The following RANBP2 variants were observed in gnomAD, a reference collection of about 807,000 sequenced individuals.
The protein encoded by RANBP2 is E3 SUMO-protein ligase RanBP2.
RANBP2 carries 57 observed loss-of-function variants against 303.6 expected under a neutral mutation model. That is an observed-to-expected ratio of 0.19 (90% confidence interval 0.15 to 0.23). The LOEUF is 0.23. Ranked by LOEUF, RANBP2 falls within the 10% of genes least tolerant of loss-of-function variation. The pLI, the probability that RANBP2 is intolerant of heterozygous loss-of-function variation, is 1.00. For missense variants in RANBP2, 3,138 were observed against 3,780.8 expected, an observed-to-expected ratio of 0.83 and a Z score of 4.46; for synonymous variants, 1,167 against 1,301.5, an observed-to-expected ratio of 0.90 and a Z score of 2.23.
chr2:109,393,267 G>A, the RANBP2 span, among the ~76,000 whole-genome samples: 2 of 152,364 alleles, frequency 1.3e-5, no homozygotes, highest in African/African-American at 4.8e-5. Context: ...TGTGAGTCTG[G>A]TCCATGGAGG....
chr2:108,936,447 C>T, the RANBP2 span, among the ~76,000 whole-genome samples: 1 of 150,454 alleles, frequency 6.6e-6, no homozygotes, highest in Non-Finnish European at 1.5e-5. Flanking sequence ...TGGCAACTGC[C>T]TGTGTCTGGG....
chr2:109,470,547 A>G, the RANBP2 span, among the ~76,000 whole-genome samples: 1 of 152,220 alleles, frequency 6.6e-6, no homozygotes, highest in Non-Finnish European at 1.5e-5. Context: ...ACTTTGGGAC[A>G]AGCCCTGGCT....
chr2:108,788,349 G>T (rs530334821), downstream of RANBP2, among the ~76,000 whole-genome samples: 1 of 151,918 alleles, frequency 6.6e-6, no homozygotes, highest in African/African-American at 2.4e-5. Flanking sequence ...GAACCCGGGA[G>T]GCAGAGGTTG....
At chr2:109,467,665 T>TA in the RANBP2 span, among the ~76,000 whole-genome samples, 2 of 152,266 alleles carry the variant, frequency 1.3e-5, no homozygotes, top group Non-Finnish European at 2.9e-5. Context: ...TTTGTGAGTA[T>TA]ATAGATTTTA....
At chr2:109,274,356 A>G in the RANBP2 span, among the ~76,000 whole-genome samples, 1 of 152,258 alleles carries the variant, frequency 6.6e-6, no homozygotes, top group Non-Finnish European at 1.5e-5. Context: ...CCCTATTTAC[A>G]CAGTAGCGAA....
chr2:109,634,313 A>G, the RANBP2 span, among the ~76,000 whole-genome samples: 2 of 152,048 alleles, frequency 1.3e-5, no homozygotes, highest in East Asian at 3.9e-4. Context: ...CACACATCAT[A>G]ATAAAATGTT....
intron 1 of RANBP2, among the ~76,000 whole-genome samples, chr2:108,727,162 CGGG>C (rs1694786935): frequency 6.6e-6 from 1 of 152,112 alleles, no homozygotes; most frequent in Non-Finnish European, 1.5e-5. Flanking sequence ...ACCTCCCAGA[CGGG>C]GTGGTGGCCG....
At position 108,728,987 on chromosome 2, in the gene RANBP2, T is replaced by G. The variant is rs549807024; in HGVS notation, c.73-145T>G. ...TAGGAAATTATAAAACATGGAATTA[T>G]GCATTTGTCAGCCTTTAAAAAAACT... On this transcript the variant is annotated intron_variant, in intron 1 of 28. Coordinates refer to ENST00000283195, the MANE Select transcript of RANBP2 (RefSeq NM_006267.5). 33 of 946,470 alleles carry G rather than the reference T, an allele frequency of 3.5e-5. No individual in the cohort carries two copies. The African/African-American group carries it at 5.3e-4, about 15-fold the overall frequency. 58.6% of individuals were successfully genotyped at this position (946,470 alleles called of 1,614,324 possible).
At chr2:109,342,197 C>T in the RANBP2 span, among the ~76,000 whole-genome samples, 1 of 152,204 alleles carries the variant, frequency 6.6e-6, no homozygotes, top group African/African-American at 2.4e-5. Flanking sequence ...TCAGCCATAC[C>T]TGGGATTTTC....
At chr2:108,826,940 G>C in the RANBP2 span, among the ~76,000 whole-genome samples, 1 of 152,018 alleles carries the variant, frequency 6.6e-6, no homozygotes, top group Non-Finnish European at 1.5e-5. Flanking sequence ...CGTTTTCAGG[G>C]TATAAGTTTT....
At chr2:109,223,588 G>A in the RANBP2 span, among the ~76,000 whole-genome samples, 4 of 152,162 alleles carry the variant, frequency 2.6e-5, no homozygotes, top group African/African-American at 9.6e-5. Flanking sequence ...TCAAGCATCG[G>A]TGGAGGGCAG....
the RANBP2 span, chr2:109,613,208 G>A: frequency 1.7e-5 from 22 of 1,283,332 alleles, no homozygotes; most frequent in Non-Finnish European, 2.2e-5. Flanking sequence ...ACTAACAAGC[G>A]AGATAAATCT....
the RANBP2 span, among the ~76,000 whole-genome samples, chr2:109,501,307 C>A: frequency 2.0e-5 from 3 of 152,030 alleles, no homozygotes; most frequent in Non-Finnish European, 4.4e-5. Flanking sequence ...GGGGAAATGC[C>A]TTTTAAATTT....
At chr2:108,808,793 G>A in the RANBP2 span, among the ~76,000 whole-genome samples, 1 of 152,028 alleles carries the variant, frequency 6.6e-6, no homozygotes, top group Non-Finnish European at 1.5e-5. Flanking sequence ...CTCCTATTCT[G>A]CAGGTTGTAT....
At chr2:109,458,088 A>G in the RANBP2 span, among the ~76,000 whole-genome samples, 1 of 152,350 alleles carries the variant, frequency 6.6e-6, no homozygotes, top group African/African-American at 2.4e-5. Flanking sequence ...TGTAACCTCA[A>G]GGGAATAAGA....
At chr2:109,598,783 G>C in the RANBP2 span, among the ~76,000 whole-genome samples, 1 of 152,082 alleles carries the variant, frequency 6.6e-6, no homozygotes, top group African/African-American at 2.4e-5. Context: ...TTTACCAGGA[G>C]GCAGGAGAAC....
chr2:108,909,814 TCTC>T, the RANBP2 span, among the ~76,000 whole-genome samples: 1 of 152,200 alleles, frequency 6.6e-6, no homozygotes, highest in Non-Finnish European at 1.5e-5. Flanking sequence ...ACCTGCCAAA[TCTC>T]CTCCTCCAGA....
At chr2:109,226,172 G>A in the RANBP2 span, among the ~76,000 whole-genome samples, 1 of 152,142 alleles carries the variant, frequency 6.6e-6, no homozygotes, top group African/African-American at 2.4e-5. Context: ...CTGTTTCCCA[G>A]GTTTATGAAC....
the RANBP2 span, among the ~76,000 whole-genome samples, chr2:108,796,518 T>TA: frequency 2.0e-5 from 3 of 152,208 alleles, no homozygotes; most frequent in Non-Finnish European, 4.4e-5. Context: ...ATCGAAGAGA[T>TA]ACCTGCACTC....
Sources: allele counts gnomAD v4.1 joint callset (sites outside exome capture counted in the v4.1 genomes callset), GRCh38; gene constraint gnomAD v4.1.1; transcripts MANE v1.5; gene names NCBI Gene and HGNC (gene_info 2026-07-23, HGNC 2026-07-21).